The following ADORA2B variants were observed in gnomAD, a reference collection of about 807,000 sequenced individuals.
ADORA2B encodes the protein adenosine A2b receptor.
A neutral mutation model predicts 20.8 loss-of-function variants in ADORA2B; 18 were observed. That is an observed-to-expected ratio of 0.87 (90% CI 0.60 to 1.29). ADORA2B has a LOEUF of 1.29. Ranked by LOEUF, ADORA2B falls within the 50% of genes most tolerant of loss-of-function variation. ADORA2B has a pLI of 0.00. For missense variants in ADORA2B, 441 were observed against 422.7 expected (o/e 1.04, Z -0.38); for synonymous variants, 179 against 178.3 (o/e 1.00, Z -0.03).
the ADORA2B span, among the ~76,000 whole-genome samples, chr17:15,895,082 G>A: frequency 6.6e-6 from 1 of 152,104 alleles, no homozygotes; most frequent in African/African-American, 2.4e-5. Flanking sequence ...CTTCTTGGGC[G>A]AGGTCAGTAT....
chr17:15,853,085 T>A, the ADORA2B span, among the ~76,000 whole-genome samples: 1 of 149,834 alleles, frequency 6.7e-6, no homozygotes, highest in South Asian at 2.2e-4. Context: ...CTGCTAGTAA[T>A]GAAAGAGAAA....
Position 15,945,178 on chromosome 17 carries a change from G to C in ADORA2B, c.-71G>C. 4.6e-6 allele frequency: 6 copies of C among 1,292,820 alleles called. No homozygotes were observed. The highest frequency in any genetic ancestry group is 6.0e-6 in the Non-Finnish European group (6 of 1,006,478). The allele number at this position is 1,292,820 out of a possible 1,614,324, so 80.1% of individuals were successfully genotyped here. ...TCCGGGCGCTATGGCCATGCCCGGC[G>C]GGTCTCACGCGGCTGCCCCTCGCCC... On this transcript the variant is annotated 5_prime_UTR_variant, in exon 1 of 2. Transcript: ENST00000304222.
chr17:15,851,105 G>C, the ADORA2B span, among the ~76,000 whole-genome samples: 409 of 151,920 alleles, frequency 2.7e-3, 1 homozygote, highest in African/African-American at 9.1e-3. Flanking sequence ...AGGTTACTTG[G>C]GGTAAACAAT....
chr17:15,926,172 C>T, the ADORA2B span, among the ~76,000 whole-genome samples: 1 of 152,106 alleles, frequency 6.6e-6, no homozygotes, highest in African/African-American at 2.4e-5. Context: ...CCCAAGATTC[C>T]TCTGCAGATG....
chr17:15,964,015 C>T (rs546624021), intron 1 of ADORA2B, among the ~76,000 whole-genome samples: 18 of 152,160 alleles, frequency 1.2e-4, no homozygotes, highest in Non-Finnish European at 2.5e-4. Flanking sequence ...TGGGAAGACT[C>T]GGCCTGAAAG....
the ADORA2B span, among the ~76,000 whole-genome samples, chr17:15,937,302 A>AG: frequency 6.6e-6 from 1 of 152,232 alleles, no homozygotes; most frequent in African/African-American, 2.4e-5. Context: ...GTCTCTGGCT[A>AG]GTTAGCTTAG....
chr17:15,945,859 G>A (rs1969797892), intron 1 of ADORA2B, among the ~76,000 whole-genome samples: 1 of 152,168 alleles, frequency 6.6e-6, no homozygotes, highest in African/African-American at 2.4e-5. Context: ...GCCCGGGGAG[G>A]CGCCGTGGAA....
chr17:15,878,642 A>G, the ADORA2B span, among the ~76,000 whole-genome samples: 1 of 152,248 alleles, frequency 6.6e-6, no homozygotes, highest in Non-Finnish European at 1.5e-5. Context: ...GTCTGAAACA[A>G]CTAATACTTA....
At chr17:15,965,757 A>G (rs12602291) in intron 1 of ADORA2B, among the ~76,000 whole-genome samples, 19,843 of 152,284 alleles carry the variant, frequency 0.13, 2,598 homozygotes, top group African/African-American at 0.34. Context: ...TCCCGTAGAA[A>G]GCCACATCCT....
chr17:15,876,456 T>A, the ADORA2B span, among the ~76,000 whole-genome samples: 12 of 149,562 alleles, frequency 8.0e-5, no homozygotes, highest in Non-Finnish European at 1.8e-4. Flanking sequence ...TTTCTTTTTT[T>A]TTTTTTTTGT....
the ADORA2B span, among the ~76,000 whole-genome samples, chr17:15,888,594 C>T: frequency 7.2e-5 from 9 of 125,636 alleles, 1 homozygote; most frequent in East Asian, 1.9e-3. Context: ...CATCTTTAAC[C>T]TATCACATAA....
At chr17:15,851,787 T>TTCCTAGAAAAGGAAAATGGAG in the ADORA2B span, among the ~76,000 whole-genome samples, 1 of 152,184 alleles carries the variant, frequency 6.6e-6, no homozygotes, top group Non-Finnish European at 1.5e-5. Flanking sequence ...CACACATTGA[T>TTCCTAGAAAAGGAAAATGGAG]TCCTAGAAAA....
At chr17:15,868,890 G>T in the ADORA2B span, among the ~76,000 whole-genome samples, 1 of 151,094 alleles carries the variant, frequency 6.6e-6, no homozygotes, top group Admixed American at 6.6e-5. Context: ...AATAAATATA[G>T]TTTGAAGGGC....
At chr17:15,906,966 AAG>A in the ADORA2B span, among the ~76,000 whole-genome samples, 1 of 152,170 alleles carries the variant, frequency 6.6e-6, no homozygotes, top group African/African-American at 2.4e-5. Flanking sequence ...TCTGAGTTTA[AAG>A]ACACCCTTTC....
chr17:15,920,266 G>A, the ADORA2B span, among the ~76,000 whole-genome samples: 1 of 152,182 alleles, frequency 6.6e-6, no homozygotes, highest in Non-Finnish European at 1.5e-5. Flanking sequence ...CTTAATGGGT[G>A]CAATGTACAC....
chr17:15,856,810 A>C, the ADORA2B span, among the ~76,000 whole-genome samples: 8 of 152,348 alleles, frequency 5.3e-5, no homozygotes, highest in Admixed American at 4.6e-4. Flanking sequence ...TTATGTTTCA[A>C]AGGGAATCAG....
chr17:15,910,008 A>G, the ADORA2B span, among the ~76,000 whole-genome samples: 2 of 152,174 alleles, frequency 1.3e-5, no homozygotes, highest in Admixed American at 6.5e-5. Context: ...ATCTGTGTGC[A>G]CTACACAGCA....
chr17:15,862,125 A>G, the ADORA2B span, among the ~76,000 whole-genome samples: 6 of 151,466 alleles, frequency 4.0e-5, no homozygotes, highest in African/African-American at 1.2e-4. Context: ...TTAAAGGTCA[A>G]AACTTTCATG....
the ADORA2B span, among the ~76,000 whole-genome samples, chr17:15,870,387 C>T: frequency 6.6e-6 from 1 of 151,876 alleles, no homozygotes; most frequent in African/African-American, 2.4e-5. Flanking sequence ...ACCAGTAATC[C>T]CAGCACTTTG....
Sources: allele counts gnomAD v4.1 joint callset (sites outside exome capture counted in the v4.1 genomes callset), GRCh38; gene constraint gnomAD v4.1.1; transcripts MANE v1.5; gene names NCBI Gene and HGNC (gene_info 2026-07-23, HGNC 2026-07-21).